PKN2: variants seen among roughly 807,000 people sequenced by gnomAD.
PKN2 encodes serine/threonine-protein kinase N2.
In PKN2, 38 loss-of-function variants were observed where a neutral mutation model predicts 119.1. The observed-to-expected ratio is 0.32, with a 90% CI of 0.25 to 0.42. The LOEUF is 0.42. Among genes scored for constraint, PKN2 ranks in the 10% least tolerant of loss-of-function variants. The pLI is 1.00. For synonymous variants in PKN2, 390 were observed against 384.9 expected, an observed-to-expected ratio of 1.01 and a Z score of -0.15; for missense variants, 850 against 1,165.1, an observed-to-expected ratio of 0.73 and a Z score of 3.94.
rs1181469331 is a variant in PKN2 at position 88,684,425 on chromosome 1, C to T, written c.-156C>T. Reference sequence around the variant, plus strand: ...CTCTCGATGAACCGGACGGAATAAGCCGCGCCTCCAGCAGGGGCTGCGCCT... The same window carrying T: ...CTCTCGATGAACCGGACGGAATAAGTCGCGCCTCCAGCAGGGGCTGCGCCT... On this transcript the variant is annotated 5_prime_UTR_variant, in exon 1 of 22. Transcript: ENST00000370521. 4.7e-6 allele frequency: 3 copies of T among 640,134 alleles called. No individual in the cohort carries two copies. Among genetic ancestry groups the T allele is most frequent in the Non-Finnish European group, 7.7e-6 (3 of 389,686 alleles). 39.7% of individuals were successfully genotyped at this position (640,134 alleles called of 1,614,324 possible).
chr1:88,776,745 A>G (rs1670125564), intron 6 of PKN2, among the ~76,000 whole-genome samples: 1 of 151,426 alleles, frequency 6.6e-6, no homozygotes, highest in Non-Finnish European at 1.5e-5. Flanking sequence ...GTCTTAAGAA[A>G]AAAAAAAAAA....
intron 15 of PKN2, among the ~76,000 whole-genome samples, chr1:88,809,181 A>G (rs1373857482): frequency 6.6e-6 from 1 of 152,104 alleles, no homozygotes; most frequent in Admixed American, 6.6e-5. Context: ...CCTCAATCAC[A>G]TCAAAATAAA....
At chr1:88,825,875 T>C (rs1383106905) in intron 18 of PKN2, among the ~76,000 whole-genome samples, 1 of 152,196 alleles carries the variant, frequency 6.6e-6, no homozygotes, top group Non-Finnish European at 1.5e-5. Flanking sequence ...CATCTCTTGC[T>C]GCTCTCTGTT....
intron 1 of PKN2, among the ~76,000 whole-genome samples, chr1:88,707,341 T>C (rs1667043122): frequency 6.6e-6 from 1 of 152,126 alleles, no homozygotes; most frequent in Non-Finnish European, 1.5e-5. Flanking sequence ...ACAAGTTTTT[T>C]TAAATTTAAT....
chr1:88,716,550 G>A (rs561710306), intron 1 of PKN2, among the ~76,000 whole-genome samples: 12 of 152,180 alleles, frequency 7.9e-5, no homozygotes, highest in African/African-American at 2.9e-4. Flanking sequence ...TTATGTAATG[G>A]CCTTCTTTGT....
At chr1:88,712,459 T>C (rs537659059) in intron 1 of PKN2, among the ~76,000 whole-genome samples, 6 of 152,254 alleles carry the variant, frequency 3.9e-5, no homozygotes, top group African/African-American at 1.2e-4. Context: ...TTATACTACC[T>C]ATGGTGGAAT....
chr1:88,832,875 A>T, intron 20 of PKN2, 24 bp downstream of exon 20: 1 of 1,397,224 alleles, frequency 7.2e-7, no homozygotes, highest in Non-Finnish European at 9.9e-7. Context: ...TAAGGATAAG[A>T]ATTTTTTAAA....
At chr1:88,716,365 G>A (rs1168442263) in intron 1 of PKN2, among the ~76,000 whole-genome samples, 14 of 152,024 alleles carry the variant, frequency 9.2e-5, no homozygotes, top group Admixed American at 5.9e-4. Flanking sequence ...TTTCTGTCTC[G>A]TTGATCTGTC....
chr1:88,729,567 C>T (rs936245677), intron 1 of PKN2, among the ~76,000 whole-genome samples: 4 of 152,140 alleles, frequency 2.6e-5, no homozygotes, highest in African/African-American at 2.4e-5. Flanking sequence ...TCCATGTTGT[C>T]TCTCTTTCAA....
chr1:88,721,492 G>T (rs1207289098), intron 1 of PKN2, among the ~76,000 whole-genome samples: 1 of 152,042 alleles, frequency 6.6e-6, no homozygotes, highest in Non-Finnish European at 1.5e-5. Flanking sequence ...TATCTACTGG[G>T]AATTCCAGGG....
intron 6 of PKN2, among the ~76,000 whole-genome samples, chr1:88,777,189 CCT>C (rs1275487828): frequency 6.6e-6 from 1 of 152,064 alleles, no homozygotes; most frequent in East Asian, 1.9e-4. Flanking sequence ...TTGTATTGAA[CCT>C]CTCTAGCAAA....
intron 18 of PKN2, among the ~76,000 whole-genome samples, chr1:88,825,469 G>A (rs1441813696): frequency 2.0e-5 from 3 of 152,074 alleles, no homozygotes; most frequent in South Asian, 2.1e-4. Flanking sequence ...ATTTTCCGCC[G>A]GTAGTCTGGG....
At chr1:88,776,670 G>T (rs1397860332) in intron 6 of PKN2, among the ~76,000 whole-genome samples, 1 of 151,866 alleles carries the variant, frequency 6.6e-6, no homozygotes, top group Non-Finnish European at 1.5e-5. Flanking sequence ...AACGCGGGAG[G>T]CGGAGGTTGC....
intron 1 of PKN2, among the ~76,000 whole-genome samples, chr1:88,704,372 C>T (rs1666891948): frequency 6.6e-6 from 1 of 152,026 alleles, no homozygotes; most frequent in African/African-American, 2.4e-5. Context: ...ATATATAATA[C>T]CATAATTTAT....
At chr1:88,745,067 C>T (rs577781950) in intron 2 of PKN2, among the ~76,000 whole-genome samples, 6 of 152,192 alleles carry the variant, frequency 3.9e-5, no homozygotes, top group South Asian at 4.1e-4. Context: ...AACATTTTTT[C>T]GTGATAAAAA....
At chr1:88,780,722 G>GT (rs11370337) in intron 6 of PKN2, among the ~76,000 whole-genome samples, 10,169 of 152,218 alleles carry the variant, frequency 0.067, 693 homozygotes, top group African/African-American at 0.18. Flanking sequence ...GGCAAGGACT[G>GT]TACTTATTGT....
chr1:88,767,917 G>A (rs900724723), intron 3 of PKN2, among the ~76,000 whole-genome samples: 2 of 151,954 alleles, frequency 1.3e-5, no homozygotes, highest in African/African-American at 2.4e-5. Context: ...TAATACTGCC[G>A]TCATCAAGCG....
chr1:88,684,538 C>T lies in PKN2; in HGVS notation c.-43C>T. 1 of 1,530,894 alleles carries T rather than the reference C, an allele frequency of 6.5e-7. No individual in the cohort carries two copies. The highest frequency in any genetic ancestry group is 8.8e-7 in the Non-Finnish European group (1 of 1,137,246). The allele number at this position is 1,530,894 out of a possible 1,614,324, so 94.8% of individuals were successfully genotyped here. On this transcript the variant is annotated 5_prime_UTR_variant, in exon 1 of 22. Transcript: ENST00000370521. ...GCCCCGTCCCGCCTTCTCCCTTCGC[C>T]AGAGGCGGCCGCGTCCAGGTGCGGA...
chr1:88,768,011 C>CATATTATTTAAGCAT (rs1557597757), intron 3 of PKN2, among the ~76,000 whole-genome samples: 1 of 133,328 alleles, frequency 7.5e-6, no homozygotes, highest in African/African-American at 3.5e-5. Flanking sequence ...GTACTGATTG[C>CATATTATTTAAGCAT]CTTAGTGATT....
Sources: gnomAD v4.1 joint callset for allele counts (sites outside exome capture counted in the v4.1 genomes callset) on GRCh38, gnomAD v4.1.1 for gene constraint, MANE v1.5 for transcripts, NCBI Gene and HGNC (gene_info 2026-07-23, HGNC 2026-07-21) for gene names.